Variants in SEMA3D observed in about 807,000 individuals in gnomAD.
The protein encoded by SEMA3D is semaphorin 3D.
Under a neutral mutation model 100.1 loss-of-function variants are expected in SEMA3D, and 84 were observed. That is an observed-to-expected ratio of 0.84 (90% CI 0.70 to 1.01). SEMA3D has a LOEUF of 1.01. Among genes scored for constraint, SEMA3D ranks in the 50% least tolerant of loss-of-function variants. SEMA3D has a pLI of 0.00. For missense variants in SEMA3D, 875 were observed against 934.1 expected, an observed-to-expected ratio of 0.94 and a Z score of 0.82; for synonymous variants, 312 against 320.7, an observed-to-expected ratio of 0.97 and a Z score of 0.29.
chr7:85,115,115 C>T (rs1207855163), intron 3 of SEMA3D, among the ~76,000 whole-genome samples: 2 of 152,162 alleles, frequency 1.3e-5, no homozygotes, highest in African/African-American at 4.8e-5. Context: ...CAGTTTTGGT[C>T]AAATATCAGC....
the SEMA3D span, among the ~76,000 whole-genome samples, chr7:85,243,507 T>A: frequency 1.3e-5 from 2 of 152,194 alleles, no homozygotes; most frequent in East Asian, 3.8e-4. Flanking sequence ...TATTTGCCTG[T>A]CTGTCTCAAA....
At chr7:85,004,635 C>T (rs1789744443) in intron 18 of SEMA3D, among the ~76,000 whole-genome samples, 1 of 152,072 alleles carries the variant, frequency 6.6e-6, no homozygotes, top group Non-Finnish European at 1.5e-5. Flanking sequence ...CTCTGTGCCA[C>T]AGGAGATCAT....
chr7:85,209,186 G>A, the SEMA3D span, among the ~76,000 whole-genome samples: 3 of 151,904 alleles, frequency 2.0e-5, no homozygotes, highest in South Asian at 6.2e-4. Context: ...ACCAAGTCTG[G>A]TATAAATGGT....
At chr7:85,190,067 T>A (rs1200236555), upstream of SEMA3D, among the ~76,000 whole-genome samples, 1 of 152,136 alleles carries the variant, frequency 6.6e-6, no homozygotes, top group East Asian at 1.9e-4. Context: ...AGGTAATTAC[T>A]GGGTCCAGAG....
At chr7:85,189,811 A>G (rs1458213862), upstream of SEMA3D, among the ~76,000 whole-genome samples, 1 of 152,222 alleles carries the variant, frequency 6.6e-6, no homozygotes, top group African/African-American at 2.4e-5. Flanking sequence ...ATATAATATG[A>G]GTAAGTAATT....
At chr7:85,180,770 T>C (rs1255790068) in intron 1 of SEMA3D, among the ~76,000 whole-genome samples, 1 of 152,240 alleles carries the variant, frequency 6.6e-6, no homozygotes, top group Non-Finnish European at 1.5e-5. Flanking sequence ...CAGGGTCCCA[T>C]GCAGATACTA....
At chr7:85,064,993 CA>C (rs1207409831) in intron 8 of SEMA3D, among the ~76,000 whole-genome samples, 1 of 152,088 alleles carries the variant, frequency 6.6e-6, no homozygotes, top group African/African-American at 2.4e-5. Context: ...GGCTAACAGA[CA>C]GTACATGCCT....
intron 2 of SEMA3D, among the ~76,000 whole-genome samples, chr7:85,138,833 C>A (rs1789953895): frequency 6.6e-6 from 1 of 151,238 alleles, no homozygotes; most frequent in Non-Finnish European, 1.5e-5. Context: ...GCTGACAGGC[C>A]CCGATGTGTG....
intron 18 of SEMA3D, among the ~76,000 whole-genome samples, chr7:85,005,223 A>G (rs1789761579): frequency 6.6e-6 from 1 of 152,108 alleles, no homozygotes; most frequent in African/African-American, 2.4e-5. Flanking sequence ...CAATGTAACA[A>G]AAAATCTGCA....
chr7:85,205,411 C>T, the SEMA3D span, among the ~76,000 whole-genome samples: 1 of 152,154 alleles, frequency 6.6e-6, no homozygotes, highest in African/African-American at 2.4e-5. Flanking sequence ...AAACATCATT[C>T]TACCACATAA....
chr7:85,029,424 G>C (rs1296615831), intron 12 of SEMA3D: 11 of 786,752 alleles, frequency 1.4e-5, no homozygotes, highest in Non-Finnish European at 2.5e-5. Flanking sequence ...CTGAAGATGA[G>C]AAACTTCAAG....
At chr7:85,118,635 T>C (rs1483428358) in intron 3 of SEMA3D, among the ~76,000 whole-genome samples, 1 of 152,082 alleles carries the variant, frequency 6.6e-6, no homozygotes. Flanking sequence ...CCCTTGTAAA[T>C]TTGTTTAAGT....
intron 12 of SEMA3D, among the ~76,000 whole-genome samples, chr7:85,033,969 G>A (rs1165036323): frequency 6.6e-6 from 1 of 151,226 alleles, no homozygotes; most frequent in Non-Finnish European, 1.5e-5. Context: ...CTAATAACTG[G>A]GAGTTATTGT....
Position 85,026,596 on chromosome 7 carries a change from C to A in SEMA3D, c.1192-3983G>T, listed in dbSNP as rs566292243. 9.2e-5 allele frequency among the ~76,000 whole-genome samples: 14 copies of A among 152,118 alleles called. No individual in the cohort carries two copies. The East Asian group carries it at 2.3e-3, about 25-fold the overall frequency. On this transcript the variant is annotated intron_variant, in intron 12 of 18. Transcript: ENST00000284136. ...AAGACTATCATAGTCTAACACTAGA[C>A]AAATTAATAGAAAGTTCTGGATATT...
chr7:85,221,909 T>G, the SEMA3D span, among the ~76,000 whole-genome samples: 1 of 152,034 alleles, frequency 6.6e-6, no homozygotes, highest in South Asian at 2.1e-4. Flanking sequence ...TAGGTTAATA[T>G]GTATATTAAC....
chr7:85,077,097 C>T (rs1478682948), intron 5 of SEMA3D, among the ~76,000 whole-genome samples: 2 of 121,434 alleles, frequency 1.6e-5, no homozygotes, highest in African/African-American at 7.2e-5. Flanking sequence ...CAGAGTGAGA[C>T]TCCGTCTAAA....
intron 5 of SEMA3D, among the ~76,000 whole-genome samples, chr7:85,075,780 G>A (rs1182743031): frequency 1.3e-5 from 2 of 152,158 alleles, no homozygotes; most frequent in South Asian, 4.1e-4. Context: ...AACAGAGATC[G>A]TAAAAGATAA....
At chr7:85,236,655 T>C in the SEMA3D span, among the ~76,000 whole-genome samples, 1 of 152,106 alleles carries the variant, frequency 6.6e-6, no homozygotes, top group African/African-American at 2.4e-5. Flanking sequence ...AAATTATTGG[T>C]ATACAGAAAA....
intron 4 of SEMA3D, among the ~76,000 whole-genome samples, chr7:85,096,180 C>A (rs1788547032): frequency 6.6e-6 from 1 of 151,854 alleles, no homozygotes; most frequent in South Asian, 2.1e-4. Flanking sequence ...TAAAACACGT[C>A]ATCCCCTGCT....
Sources: gnomAD v4.1 joint callset for allele counts (sites outside exome capture counted in the v4.1 genomes callset) on GRCh38, gnomAD v4.1.1 for gene constraint, MANE v1.5 for transcripts, NCBI Gene and HGNC (gene_info 2026-07-23, HGNC 2026-07-21) for gene names.